The following CDC27 variants were observed in gnomAD, a reference collection of about 807,000 sequenced individuals.
The protein encoded by CDC27 is cell division cycle protein 27 homolog.
A neutral mutation model predicts 109.7 loss-of-function variants in CDC27; 27 were observed. The observed-to-expected ratio is 0.25, with a 90% CI of 0.18 to 0.34. CDC27 has a LOEUF of 0.34. Among genes scored for constraint, CDC27 ranks in the 10% least tolerant of loss-of-function variants. CDC27 has a pLI of 1.00. For synonymous variants in CDC27, 266 were observed against 333.9 expected (o/e 0.80, Z 2.22); for missense variants, 579 against 960.2 (o/e 0.60, Z 5.25).
chr17:47,132,355 A>T lies in CDC27; in HGVS notation c.1933T>A (p.Tyr645Asn). 1 of 1,588,882 alleles carries T rather than the reference A, an allele frequency of 6.3e-7. No homozygotes were observed. The highest frequency in any genetic ancestry group is 8.6e-7 in the Non-Finnish European group (1 of 1,159,086). ...AGGCTGAATTTTTCTTGCTTGTAAT[A>T]AATCATTCCTAAACCATACCTGAAA... is the stretch of plus-strand genomic sequence containing the variant. Reference protein sequence around the residue: ...YNAWYGLGMIYYKQEKFSLAE... With the variant: ...YNAWYGLGMINYKQEKFSLAE... Residue 645 changes from tyrosine to asparagine, a missense_variant, in exon 15 of 19, where the codon TAT becomes AAT. This residue lies in a region of CDC27 where 227 missense variants were observed against 363.6 expected (regional missense o/e 0.62). Transcript: ENST00000066544.
chr17:47,145,541 G>A (rs1041501327), intron 9 of CDC27, among the ~76,000 whole-genome samples: 14 of 152,122 alleles, frequency 9.2e-5, no homozygotes, highest in Non-Finnish European at 1.3e-4. Flanking sequence ...TCCTGGGACC[G>A]TGCCTGAATT....
In CDC27 at chr17:47,140,979, C is replaced by T. The variant is rs535347634; in HGVS notation, c.1551+874G>A. Among the ~76,000 whole-genome samples the T allele has an allele frequency of 2.1e-3, 323 of 152,278 alleles. 1 individual carries two copies. The highest frequency in any genetic ancestry group is 3.3e-3 in the Non-Finnish European group (223 of 68,012). ...ACTTCATTGTCTCCCAGTTTCCTCACCATGCTTCATTTTTCTTCATGACTT... is the reference window on the plus strand; with the variant it reads ...ACTTCATTGTCTCCCAGTTTCCTCATCATGCTTCATTTTTCTTCATGACTT... On this transcript the variant is annotated intron_variant, in intron 12 of 18. Transcript: ENST00000066544.
intron 1 of CDC27, among the ~76,000 whole-genome samples, chr17:47,182,406 A>G (rs1459297029): frequency 6.6e-6 from 1 of 152,220 alleles, no homozygotes; most frequent in African/African-American, 2.4e-5. Flanking sequence ...AAGAAATAAA[A>G]TATCTCTGAA....
chr17:47,162,674 G>C (rs1845385923), intron 4 of CDC27, among the ~76,000 whole-genome samples: 3 of 152,320 alleles, frequency 2.0e-5, no homozygotes, highest in South Asian at 2.1e-4. Context: ...GGAAAAGTAA[G>C]AGGGGTGATC....
intron 8 of CDC27, among the ~76,000 whole-genome samples, chr17:47,154,449 T>A (rs1196489780): frequency 1.3e-5 from 2 of 152,180 alleles, no homozygotes; most frequent in Non-Finnish European, 2.9e-5. Flanking sequence ...TGAGATACAA[T>A]CTTACTTGGC....
At chr17:47,159,458 G>GA in intron 4 of CDC27, 1 of 641,314 alleles carries the variant, frequency 1.6e-6, no homozygotes, top group East Asian at 3.0e-5. Context: ...CACGTGCCAA[G>GA]ACGATGCCCG....
chr17:47,189,151 C>G lies in CDC27; in HGVS notation c.22G>C (p.Val8Leu), dbSNP rs755449502. 1.3e-5 allele frequency: 21 copies of G among 1,613,310 alleles called. No individual in the cohort carries two copies. Among genetic ancestry groups the G allele is most frequent in the Admixed American group, 5.0e-5 (3 of 60,010 alleles). MTVLQEP[V>L]QAAIWQALNH... ...GAGAAGAAGGTTATCATTACCTGGACGGGTTCCTGCAGCACCGTCATCCTC... is the reference window on the plus strand; with the variant it reads ...GAGAAGAAGGTTATCATTACCTGGAGGGGTTCCTGCAGCACCGTCATCCTC... Residue 8 changes from valine to leucine, a missense_variant, in exon 1 of 19, where the codon GTC (valine) becomes CTC (leucine). Physicochemically the swap from Val to Leu is conservative, Grantham distance 32. Transcript: ENST00000066544.
Position 47,133,071 on chromosome 17 carries a change from A to ACG in CDC27, c.1914-698_1914-697insCG, listed in dbSNP as rs1362831173. Among the ~76,000 whole-genome samples the ACG allele has an allele frequency of 7.5e-3, 617 of 82,438 alleles. 5 individuals are homozygous for ACG. Among genetic ancestry groups the ACG allele is most frequent in the Admixed American group, 0.023 (131 of 5,722 alleles). 54.1% of individuals were successfully genotyped at this position (82,438 alleles called of 152,430 possible). The stretch of plus-strand genomic sequence containing the variant: ...CACACACACATACATATACACACAC[A>ACG]CACACACACACACAAACACACACAC... On this transcript the variant is annotated intron_variant, in intron 14 of 18. Coordinates refer to ENST00000066544, the MANE Select transcript of CDC27 (RefSeq NM_001256.6).
chr17:47,141,616 T>C (rs1443011912), intron 12 of CDC27, among the ~76,000 whole-genome samples: 4 of 152,160 alleles, frequency 2.6e-5, no homozygotes, highest in Non-Finnish European at 1.5e-5. Flanking sequence ...TACGTAAGAA[T>C]GTCTGGATGA....
chr17:47,130,617 G>A (rs2062294883), intron 15 of CDC27, among the ~76,000 whole-genome samples: 1 of 152,184 alleles, frequency 6.6e-6, no homozygotes, highest in African/African-American at 2.4e-5. Context: ...GCTCACGCCT[G>A]TAATCCCAGC....
intron 8 of CDC27, among the ~76,000 whole-genome samples, chr17:47,154,251 A>C (rs1323762630): frequency 6.6e-6 from 1 of 152,074 alleles, no homozygotes; most frequent in Non-Finnish European, 1.5e-5. Context: ...TTTTCATATA[A>C]TTATTAGTGT....
intron 3 of CDC27, 110 bp downstream of exon 3, chr17:47,171,807 A>C: frequency 1.4e-6 from 1 of 691,816 alleles, no homozygotes; most frequent in South Asian, 1.9e-5. Context: ...TTACTGAAAT[A>C]GATGGAAAAC....
intron 14 of CDC27, among the ~76,000 whole-genome samples, chr17:47,135,551 A>G (rs1290091425): frequency 6.6e-6 from 1 of 152,180 alleles, no homozygotes; most frequent in African/African-American, 2.4e-5. Flanking sequence ...AAGAAAAGGT[A>G]TTAAACACTA....
chr17:47,133,028 T>TATACATACAC (rs1555783886), intron 14 of CDC27, among the ~76,000 whole-genome samples: 1 of 29,824 alleles, frequency 3.4e-5, no homozygotes, highest in East Asian at 9.3e-4. Context: ...TATATATATA[T>TATACATACAC]ACACACACAC....
At chr17:47,130,458 ATAACT>A (rs2062288798) in intron 15 of CDC27, among the ~76,000 whole-genome samples, 2 of 152,376 alleles carry the variant, frequency 1.3e-5, no homozygotes, top group Non-Finnish European at 2.9e-5. Flanking sequence ...TGGGAAGCAA[ATAACT>A]TAAGATATTT....
rs763506277 is a variant in CDC27, at chr17:47,157,298, C to A, written c.562G>T (p.Val188Leu). Residue 188 changes from valine to leucine, a missense_variant, in exon 6 of 19, where the codon GTA (valine) becomes TTA (leucine). By Grantham distance (32) the Val-to-Leu change is conservative (BLOSUM62 1). Transcript: ENST00000066544. ...CTGTGAGATAAACTATGATTAGGTACTTGTGTTGTGCAAGAGTTGGGCAGA... is the reference window on the plus strand; with the variant it reads ...CTGTGAGATAAACTATGATTAGGTAATTGTGTTGTGCAAGAGTTGGGCAGA... ...NCLPNSCTTQ[V>L]PNHSLSHRQP... is the part of the protein sequence containing the mutation. 4 of 1,611,006 alleles carry A rather than the reference C, an allele frequency of 2.5e-6. No individual in the cohort carries two copies. Among genetic ancestry groups the A allele is most frequent in the Non-Finnish European group, 3.4e-6 (4 of 1,178,696 alleles).
intron 17 of CDC27, among the ~76,000 whole-genome samples, chr17:47,123,147 C>T (rs1385580279): frequency 6.6e-6 from 1 of 152,010 alleles, no homozygotes; most frequent in Non-Finnish European, 1.5e-5. Context: ...AGTAAGTTTC[C>T]AATAAATATC....
At chr17:47,150,596 T>C (rs780834894) in intron 9 of CDC27, among the ~76,000 whole-genome samples, 6 of 152,236 alleles carry the variant, frequency 3.9e-5, no homozygotes, top group Non-Finnish European at 5.9e-5. Context: ...TTTGGACTTA[T>C]GGCTTTACAA....
rs911023670 is a variant in CDC27, at chr17:47,144,270, AT to A, written c.1071-289del. On this transcript the variant is annotated intron_variant, in intron 9 of 18. Transcript: ENST00000066544. ...AATAAACTTTCCTTCATATAAAAAA[AT>A]AAAAATAAAATGACTCGTTACTACA... 5.9e-5 allele frequency among the ~76,000 whole-genome samples: 9 copies of A among 152,328 alleles called. No individual in the cohort carries two copies. The East Asian group carries it at 1.3e-3, about 23-fold the overall frequency.
Sources: gnomAD v4.1 joint callset for allele counts (sites outside exome capture counted in the v4.1 genomes callset) on GRCh38, gnomAD v4.1.1 for gene constraint, gnomAD v4.1.1 regional missense constraint, MANE v1.5 for transcripts, NCBI Gene and HGNC (gene_info 2026-07-23, HGNC 2026-07-21) for gene names.